Variants in WDR76 observed in about 807,000 individuals in gnomAD.
WDR76 encodes WD repeat domain 76, also known as WD repeat-containing protein 76.
In WDR76, 52 loss-of-function variants were observed where a neutral mutation model predicts 70.2. The observed-to-expected ratio is 0.74, with a 90% CI of 0.59 to 0.93. The LOEUF (loss-of-function observed/expected upper bound fraction) is 0.93, where lower values mean the gene tolerates loss of function less well. Among genes scored for constraint, WDR76 ranks in the 40% least tolerant of loss-of-function variants. WDR76 has a pLI of 0.00. For synonymous variants in WDR76, 292 were observed against 271.1 expected, an observed-to-expected ratio of 1.08 and a Z score of -0.76; for missense variants, 756 against 760.2, an observed-to-expected ratio of 0.99 and a Z score of 0.07.
At chr15:43,835,495 G>GCAA (rs71111827) in intron 3 of WDR76, among the ~76,000 whole-genome samples, 142,726 of 151,040 alleles carry the variant, frequency 0.94, 67,964 homozygotes, top group East Asian at 1. Context: ...TCTCAAAACA[G>GCAA]CAACAACAAG....
intron 2 of WDR76, among the ~76,000 whole-genome samples, chr15:43,829,408 G>A (rs954721030): frequency 2.6e-5 from 4 of 151,580 alleles, no homozygotes; most frequent in Non-Finnish European, 4.4e-5. Context: ...ATGCTTTCTC[G>A]TCCCAGAGTT....
rs117806377 is a variant in WDR76, at chr15:43,838,791, T to C, written c.609-814T>C. Among the ~76,000 whole-genome samples the C allele has an allele frequency of 7.3e-3, 1,105 of 150,568 alleles. 2 individuals are homozygous for C. Among genetic ancestry groups the C allele is most frequent in the Non-Finnish European group, 0.011 (729 of 68,012 alleles). ...CTGCTCCAAACATTCTTAAGTCTCT[T>C]AGTGCTTATGTATGGGAGTTTCTCT... On this transcript the variant is annotated intron_variant, in intron 4 of 12. Transcript: ENST00000263795.
chr15:43,862,885 C>T (rs995454643), intron 12 of WDR76, among the ~76,000 whole-genome samples: 5 of 152,144 alleles, frequency 3.3e-5, no homozygotes, highest in African/African-American at 9.6e-5. Flanking sequence ...CTCAAGCGGC[C>T]ACCCACCTTG....
At chr15:43,845,817 G>T (rs2087781513) in intron 8 of WDR76, among the ~76,000 whole-genome samples, 1 of 150,268 alleles carries the variant, frequency 6.7e-6, no homozygotes. Context: ...TTCTTATTGG[G>T]GAAGAAGACC....
rs960396204 is a variant in WDR76, at chr15:43,838,176, A to G, written c.609-1429A>G. ...GCGTGAGCCACTGTGCCCAGCCTAT[A>G]GTTTCATTTTTATTTATTTATTTTT... is the stretch of plus-strand genomic sequence containing the variant. On this transcript the variant is annotated intron_variant, in intron 4 of 12. Coordinates refer to ENST00000263795, the MANE Select transcript of WDR76 (RefSeq NM_024908.4). Among the ~76,000 whole-genome samples, 8 of 143,742 alleles carry G rather than the reference A, an allele frequency of 5.6e-5. No homozygotes were observed. In the South Asian group the frequency reaches 1.1e-3, roughly 20 times the overall value. The allele number at this position is 143,742 out of a possible 152,430, so 94.3% of individuals were successfully genotyped here. A position where few individuals can be genotyped will look rare whatever the true frequency, so the allele number is the denominator to read the frequency against.
intron 9 of WDR76, among the ~76,000 whole-genome samples, chr15:43,853,267 C>T (rs538887496): frequency 1.3e-4 from 19 of 151,914 alleles, no homozygotes; most frequent in African/African-American, 2.9e-4. Context: ...CTCGGCTCAC[C>T]GCAGCCTCTG....
At chr15:43,862,260 T>G (rs1396300638) in intron 12 of WDR76, among the ~76,000 whole-genome samples, 1 of 150,432 alleles carries the variant, frequency 6.6e-6, no homozygotes, top group Non-Finnish European at 1.5e-5. Context: ...TACATTTTGT[T>G]CCATTTTATC....
intron 9 of WDR76, among the ~76,000 whole-genome samples, chr15:43,856,099 G>C (rs1329749108): frequency 1.3e-5 from 2 of 152,006 alleles, no homozygotes; most frequent in Non-Finnish European, 2.9e-5. Flanking sequence ...ATCTTGGACA[G>C]TTAATACTAT....
chr15:43,858,144 G>T (rs1035069066), intron 10 of WDR76, among the ~76,000 whole-genome samples: 1 of 151,746 alleles, frequency 6.6e-6, no homozygotes, highest in Non-Finnish European at 1.5e-5. Context: ...TCTTGGCCAG[G>T]CTGGTCTTGA....
At chr15:43,828,503 C>T (rs1333619460) in intron 2 of WDR76, 137 bp downstream of exon 2, 2 of 777,600 alleles carry the variant, frequency 2.6e-6, no homozygotes, top group Admixed American at 3.6e-5. Flanking sequence ...TGTAATAATA[C>T]ATTTTTATTA....
chr15:43,844,165 G>C (rs963247776), intron 8 of WDR76, 111 bp downstream of exon 8: 2 of 1,043,324 alleles, frequency 1.9e-6, no homozygotes, highest in African/African-American at 3.3e-5. Flanking sequence ...TTACAATTTT[G>C]GGCTTTATGA....
intron 2 of WDR76, among the ~76,000 whole-genome samples, chr15:43,834,674 A>G (rs1417189542): frequency 2.6e-5 from 4 of 152,012 alleles, no homozygotes; most frequent in African/African-American, 9.7e-5. Context: ...CTTGAACTCC[A>G]GACCTCAGGT....
At chr15:43,861,819 A>C (rs1272990587) in intron 12 of WDR76, among the ~76,000 whole-genome samples, 1 of 149,058 alleles carries the variant, frequency 6.7e-6, no homozygotes. Context: ...AACTACTTTG[A>C]ATGTATTTGT....
chr15:43,839,799 C>T (rs374115061), intron 5 of WDR76, 71 bp downstream of exon 5: 1 of 1,417,474 alleles, frequency 7.1e-7, no homozygotes, highest in East Asian at 2.5e-5. Flanking sequence ...TGAAACTAGA[C>T]TAAAAGTTCA....
chr15:43,828,385 G>A lies in WDR76; in HGVS notation c.462+19G>A, dbSNP rs2087544792. The A allele has an allele frequency of 6.4e-7, 1 of 1,562,898 alleles. No homozygotes were observed. The highest frequency in any genetic ancestry group is 8.6e-7 in the Non-Finnish European group (1 of 1,158,778). Reference sequence around the variant, plus strand: ...ATCCCTGGTAAGAACTTAATTAGTAGCTTGTTCTGGTTTCTCTTTTTTGAA... The same window carrying A: ...ATCCCTGGTAAGAACTTAATTAGTAACTTGTTCTGGTTTCTCTTTTTTGAA... On this transcript the variant is annotated intron_variant, in intron 2 of 12. Coordinates refer to ENST00000263795, the MANE Select transcript of WDR76 (RefSeq NM_024908.4).
intron 2 of WDR76, among the ~76,000 whole-genome samples, chr15:43,829,173 T>A (rs898199304): frequency 6.6e-6 from 1 of 152,096 alleles, no homozygotes. Context: ...GTGCTGGGAT[T>A]ACAGGGGTGA....
At chr15:43,865,874 G>C (rs185424985) in intron 12 of WDR76, among the ~76,000 whole-genome samples, 1 of 152,272 alleles carries the variant, frequency 6.6e-6, no homozygotes, top group East Asian at 1.9e-4. Flanking sequence ...CAGTACTTCT[G>C]TTTTTGCTTT....
At chr15:43,841,000 TGTG>T (rs1204010511) in intron 5 of WDR76, among the ~76,000 whole-genome samples, 1 of 151,056 alleles carries the variant, frequency 6.6e-6, no homozygotes, top group African/African-American at 2.4e-5. Context: ...ACTTAATACA[TGTG>T]GTGCACTTTG....
Position 43,838,058 on chromosome 15 carries a change from G to A in WDR76, c.609-1547G>A, listed in dbSNP as rs1596070335. ...GCCCGGCTAATTTTTTGGATTTTTA[G>A]TAGACGGGGTTTCACCGTGTTAGCC... On this transcript the variant is annotated intron_variant, in intron 4 of 12. Coordinates refer to ENST00000263795, the MANE Select transcript of WDR76 (RefSeq NM_024908.4). Among the ~76,000 whole-genome samples the A allele has an allele frequency of 2.0e-5, 3 of 151,818 alleles. No homozygotes were observed. The South Asian group carries it at 6.2e-4, about 32-fold the overall frequency.
Sources: allele counts gnomAD v4.1 joint callset (sites outside exome capture counted in the v4.1 genomes callset), GRCh38; gene constraint gnomAD v4.1.1; transcripts MANE v1.5; gene names NCBI Gene and HGNC (gene_info 2026-07-23, HGNC 2026-07-21).